The following OR9Q1 variants were observed in gnomAD, a reference collection of about 807,000 sequenced individuals.
OR9Q1 encodes the protein olfactory receptor family 9 subfamily Q member 1.
For missense variants in OR9Q1, 374 were observed against 378.8 expected, an observed-to-expected ratio of 0.99 and a Z score of 0.11; for synonymous variants, 153 against 148.6, an observed-to-expected ratio of 1.03 and a Z score of -0.22.
intron 2 of OR9Q1, chr11:58,118,419 T>C: frequency 4.5e-6 from 4 of 882,552 alleles, no homozygotes; most frequent in Non-Finnish European, 7.0e-6. Flanking sequence ...TGGGTATAGG[T>C]TGCATATAGT....
chr11:58,030,781 C>T, intron 1 of OR9Q1: 1 of 596,012 alleles, frequency 1.7e-6, no homozygotes, highest in Non-Finnish European at 3.0e-6. Flanking sequence ...TATTTGTTTT[C>T]TCATGTCCCT....
chr11:58,135,589 A>G (rs1013933957), intron 2 of OR9Q1, among the ~76,000 whole-genome samples: 5 of 152,164 alleles, frequency 3.3e-5, no homozygotes, highest in Non-Finnish European at 7.3e-5. Context: ...GTTTAGTTCT[A>G]TATATTTGTC....
At chr11:58,033,234 G>A (rs76693707) in intron 1 of OR9Q1, among the ~76,000 whole-genome samples, 107 of 152,272 alleles carry the variant, frequency 7.0e-4, no homozygotes, top group Non-Finnish European at 1.2e-3. Flanking sequence ...TGCTATTCAA[G>A]CCAGCAATCC....
intron 2 of OR9Q1, among the ~76,000 whole-genome samples, chr11:58,058,956 G>A (rs1366585449): frequency 1.3e-5 from 2 of 152,176 alleles, no homozygotes; most frequent in African/African-American, 2.4e-5. Context: ...TGGCTGATCT[G>A]GGGGAAAGGA....
chr11:58,175,658 G>T (rs529535880), intron 2 of OR9Q1, among the ~76,000 whole-genome samples: 1 of 152,046 alleles, frequency 6.6e-6, no homozygotes, highest in Non-Finnish European at 1.5e-5. Context: ...TTCCTCATAG[G>T]TAGGCATTGT....
Position 58,179,919 on chromosome 11 carries a change from C to T in OR9Q1, c.475C>T (p.Arg159Trp), listed in dbSNP as rs2513718. ...YVAGLISALV[R>W]TVSAFTLSFC... ...TGCTGGTCTCATCAGTGCCTTGGTGCGGACAGTCTCAGCCTTCACTCTCTC... is the reference window on the plus strand; with the variant it reads ...TGCTGGTCTCATCAGTGCCTTGGTGTGGACAGTCTCAGCCTTCACTCTCTC... Residue 159 changes from arginine to tryptophan, a missense_variant, in exon 3 of 3, where the codon CGG becomes TGG. Transcript: ENST00000335397. 2.3e-4 allele frequency: 366 copies of T among 1,614,006 alleles called. 1 individual carries two copies. The highest frequency in any genetic ancestry group is 1.2e-3 in the Middle Eastern group (7 of 6,084).
chr11:58,046,782 G>C (rs1272209733), intron 1 of OR9Q1, among the ~76,000 whole-genome samples: 2 of 152,172 alleles, frequency 1.3e-5, no homozygotes, highest in African/African-American at 4.8e-5. Flanking sequence ...AGAATCACTT[G>C]AACCTGGGAG....
At chr11:58,033,519 TTTG>T (rs1299111313) in intron 1 of OR9Q1, among the ~76,000 whole-genome samples, 2 of 152,154 alleles carry the variant, frequency 1.3e-5, no homozygotes, top group Non-Finnish European at 2.9e-5. Context: ...AATCAAATAT[TTTG>T]TTTTCTCACT....
intron 2 of OR9Q1, among the ~76,000 whole-genome samples, chr11:58,061,275 A>G (rs925286073): frequency 6.6e-6 from 1 of 152,214 alleles, no homozygotes; most frequent in African/African-American, 2.4e-5. Flanking sequence ...AAAATTACAC[A>G]GAGGACGTGG....
chr11:58,176,690 G>A (rs968162590), intron 2 of OR9Q1, among the ~76,000 whole-genome samples: 5 of 152,200 alleles, frequency 3.3e-5, no homozygotes, highest in African/African-American at 1.2e-4. Context: ...CTTTCAGGCA[G>A]TGAAGTTATT....
intron 2 of OR9Q1, among the ~76,000 whole-genome samples, chr11:58,160,151 C>T (rs543399976): frequency 1.8e-4 from 27 of 152,272 alleles, no homozygotes; most frequent in Admixed American, 1.4e-3. Context: ...CTCTGCTAGC[C>T]CCTCAGCTGT....
chr11:58,090,512 A>G (rs938909661), intron 2 of OR9Q1, among the ~76,000 whole-genome samples: 1 of 152,160 alleles, frequency 6.6e-6, no homozygotes, highest in Non-Finnish European at 1.5e-5. Context: ...ATCGTGGTGG[A>G]TAAGCTTTTT....
intron 2 of OR9Q1, among the ~76,000 whole-genome samples, chr11:58,175,016 G>A (rs1464581954): frequency 7.3e-6 from 1 of 136,286 alleles, no homozygotes; most frequent in African/African-American, 2.7e-5. Flanking sequence ...TGAGGCATGA[G>A]AATTGCTTGA....
chr11:58,162,912 G>A (rs1338373315), intron 2 of OR9Q1, among the ~76,000 whole-genome samples: 1 of 152,192 alleles, frequency 6.6e-6, no homozygotes, highest in Non-Finnish European at 1.5e-5. Flanking sequence ...AAGGTATCCT[G>A]TAAATATAAG....
chr11:58,109,541 C>A (rs568976679), intron 2 of OR9Q1: 34 of 458,016 alleles, frequency 7.4e-5, no homozygotes, highest in African/African-American at 6.2e-4. Flanking sequence ...CCCCCATTCC[C>A]CAGAAAAGTG....
Position 58,179,555 on chromosome 11 carries a change from C to G in OR9Q1, c.111C>G (p.Ile37Met). 1 of 1,613,328 alleles carries G rather than the reference C, an allele frequency of 6.2e-7. No individual in the cohort carries two copies. The highest frequency in any genetic ancestry group is 8.5e-7 in the Non-Finnish European group (1 of 1,179,514). ...LFLLFLFMYL[I>M]TVLGNLEMII... Reference sequence around the variant, plus strand: ...TCTTGTTTTTATTTATGTATCTCATCACCGTATTGGGGAACTTAGAGATGA... The same window carrying G: ...TCTTGTTTTTATTTATGTATCTCATGACCGTATTGGGGAACTTAGAGATGA... The change falls in exon 3 of 3, where the codon ATC (isoleucine) becomes ATG (methionine). Residue 37 changes from isoleucine to methionine, a missense_variant. Ile to Met is a conservative substitution (Grantham distance 10). Coordinates refer to ENST00000335397, the MANE Select transcript of OR9Q1 (RefSeq NM_001005212.4).
At chr11:58,114,633 G>C (rs1280801057) in intron 2 of OR9Q1, among the ~76,000 whole-genome samples, 2 of 152,176 alleles carry the variant, frequency 1.3e-5, no homozygotes, top group Non-Finnish European at 2.9e-5. Context: ...ATGCTTCTCT[G>C]TTGCTCTTTG....
At chr11:58,122,571 G>T (rs1418333509) in intron 2 of OR9Q1, among the ~76,000 whole-genome samples, 1 of 152,150 alleles carries the variant, frequency 6.6e-6, no homozygotes, top group Admixed American at 6.6e-5. Context: ...AAGCAATGCA[G>T]GCACTATTTC....
At chr11:58,027,968 G>A (rs138983073) in intron 1 of OR9Q1, among the ~76,000 whole-genome samples, 1,658 of 150,788 alleles carry the variant, frequency 0.011, 32 homozygotes, top group African/African-American at 0.038. Flanking sequence ...TGTCGGGGGG[G>A]CATCTGTACC....
Sources: allele counts gnomAD v4.1 joint callset (sites outside exome capture counted in the v4.1 genomes callset), GRCh38; gene constraint gnomAD v4.1.1; transcripts MANE v1.5; gene names NCBI Gene and HGNC (gene_info 2026-07-23, HGNC 2026-07-21).